The following PCDH15 variants were observed in gnomAD, a reference collection of about 807,000 sequenced individuals.
PCDH15 encodes protocadherin related 15, also known as protocadherin-15.
PCDH15 carries 129 observed loss-of-function variants against 178.5 expected under a neutral mutation model. The ratio of observed to expected loss-of-function variants is 0.72; its 90% confidence interval spans 0.63 to 0.84. The LOEUF is 0.84. Among genes scored for constraint, PCDH15 ranks in the 40% least tolerant of loss-of-function variants. The pLI, the probability that PCDH15 is intolerant of heterozygous loss-of-function variation, is 0.00. For synonymous variants in PCDH15, 800 were observed against 732.0 expected (o/e 1.09, Z -1.50); for missense variants, 2,230 against 2,099.9 (o/e 1.06, Z -1.21).
At chr10:53,872,013 C>T (rs2079903351) in intron 26 of PCDH15, among the ~76,000 whole-genome samples, 1 of 152,022 alleles carries the variant, frequency 6.6e-6, no homozygotes, top group Non-Finnish European at 1.5e-5. Flanking sequence ...GGCATGGCTT[C>T]CCCCTCATTT....
intron 2 of PCDH15, among the ~76,000 whole-genome samples, chr10:54,934,981 A>G (rs991195089): frequency 9.9e-5 from 15 of 151,696 alleles, no homozygotes; most frequent in African/African-American, 3.6e-4. Flanking sequence ...TCGCAAGGAC[A>G]AAAAAACCAA....
chr10:54,224,536 C>T (rs888249757), intron 9 of PCDH15, among the ~76,000 whole-genome samples: 4 of 152,026 alleles, frequency 2.6e-5, no homozygotes, highest in African/African-American at 9.7e-5. Flanking sequence ...TCTTTTTAGT[C>T]ATTCCCTTAT....
chr10:54,698,165 C>T (rs560588464), intron 1 of PCDH15, among the ~76,000 whole-genome samples: 4 of 152,230 alleles, frequency 2.6e-5, no homozygotes, highest in East Asian at 3.9e-4. Flanking sequence ...AGTTTACATT[C>T]GCTTGACTGG....
chr10:55,351,622 C>T (rs1458098697), intron 2 of PCDH15, among the ~76,000 whole-genome samples: 4 of 152,084 alleles, frequency 2.6e-5, no homozygotes, highest in Admixed American at 2.6e-4. Flanking sequence ...TCATTGTTTG[C>T]TTTCTCCACT....
chr10:54,835,220 A>T (rs1029999416), intron 3 of PCDH15, among the ~76,000 whole-genome samples: 5 of 152,186 alleles, frequency 3.3e-5, no homozygotes, highest in Non-Finnish European at 7.3e-5. Context: ...AAGGAATAGA[A>T]GCATATCTTC....
At chr10:55,197,239 A>C (rs1840116917) in intron 1 of PCDH15, among the ~76,000 whole-genome samples, 1 of 152,076 alleles carries the variant, frequency 6.6e-6, no homozygotes, top group Non-Finnish European at 1.5e-5. Context: ...TATGTAAATA[A>C]ATTGAAAACG....
chr10:54,271,706 T>C (rs117847687), intron 8 of PCDH15, among the ~76,000 whole-genome samples: 15 of 152,258 alleles, frequency 9.9e-5, no homozygotes, highest in Non-Finnish European at 1.3e-4. Context: ...TAAAGTGTAA[T>C]AATTCTTATA....
At chr10:54,687,381 A>G (rs77241034) in intron 1 of PCDH15, among the ~76,000 whole-genome samples, 3,636 of 152,224 alleles carry the variant, frequency 0.024, 127 homozygotes, top group African/African-American at 0.083. Context: ...TTGCGACTCT[A>G]TTTACAATAT....
intron 8 of PCDH15, among the ~76,000 whole-genome samples, chr10:54,274,048 C>G (rs1158024044): frequency 6.6e-6 from 1 of 152,038 alleles, no homozygotes; most frequent in African/African-American, 2.4e-5. Flanking sequence ...GAAGACCAAA[C>G]ACTGCATGCT....
intron 2 of PCDH15, among the ~76,000 whole-genome samples, chr10:55,035,091 T>G (rs1423342352): frequency 6.6e-6 from 1 of 152,148 alleles, no homozygotes; most frequent in Non-Finnish European, 1.5e-5. Flanking sequence ...TATTTCAAAT[T>G]ACAAATTAAC....
intron 1 of PCDH15, among the ~76,000 whole-genome samples, chr10:55,303,252 A>G (rs1843333984): frequency 6.6e-6 from 1 of 152,162 alleles, no homozygotes; most frequent in African/African-American, 2.4e-5. Context: ...TGCCCGCAGC[A>G]AAGTGGGCAT....
intron 1 of PCDH15, among the ~76,000 whole-genome samples, chr10:54,675,415 C>T (rs1161655177): frequency 6.7e-6 from 1 of 149,668 alleles, no homozygotes; most frequent in Non-Finnish European, 1.5e-5. Flanking sequence ...AAGTGAAAGA[C>T]ATAATTTCAT....
At chr10:55,107,344 TAAC>T (rs1304366261) in intron 2 of PCDH15, among the ~76,000 whole-genome samples, 4 of 152,190 alleles carry the variant, frequency 2.6e-5, no homozygotes, top group Non-Finnish European at 4.4e-5. Flanking sequence ...ATGGAAATGT[TAAC>T]AACAGGCTTA....
intron 2 of PCDH15, among the ~76,000 whole-genome samples, chr10:55,337,549 T>C (rs1165188210): frequency 1.3e-5 from 2 of 152,214 alleles, no homozygotes; most frequent in Non-Finnish European, 2.9e-5. Flanking sequence ...CTAGAATGTA[T>C]GGTCCTTGGC....
At chr10:54,539,778 G>T (rs763724519) in intron 2 of PCDH15, among the ~76,000 whole-genome samples, 1 of 152,014 alleles carries the variant, frequency 6.6e-6, no homozygotes, top group South Asian at 2.1e-4. Flanking sequence ...CATAAAACAA[G>T]TCTCAAAGAA....
At chr10:53,847,220 T>C (rs1353886704) in intron 28 of PCDH15, among the ~76,000 whole-genome samples, 1 of 152,038 alleles carries the variant, frequency 6.6e-6, no homozygotes, top group Non-Finnish European at 1.5e-5. Flanking sequence ...TGGCTACCTG[T>C]TGTGATGGTT....
At chr10:54,763,968 T>A (rs1264872208) in intron 1 of PCDH15, among the ~76,000 whole-genome samples, 1 of 151,764 alleles carries the variant, frequency 6.6e-6, no homozygotes, top group Non-Finnish European at 1.5e-5. Context: ...GTATTAGATC[T>A]AATTTTTAAA....
At chr10:54,257,030 T>TTC (rs1403182039) in intron 8 of PCDH15, among the ~76,000 whole-genome samples, 4 of 149,980 alleles carry the variant, frequency 2.7e-5, no homozygotes, top group Admixed American at 2.0e-4. Flanking sequence ...CACTTTCTCA[T>TTC]TCTCTCTCTC....
intron 1 of PCDH15, among the ~76,000 whole-genome samples, chr10:55,317,341 CA>C (rs925835728): frequency 2.0e-5 from 3 of 151,980 alleles, no homozygotes; most frequent in African/African-American, 7.2e-5. Flanking sequence ...TTTCTTACAT[CA>C]AAAAAATTAA....
Sources: allele counts gnomAD v4.1 joint callset (sites outside exome capture counted in the v4.1 genomes callset), GRCh38; gene constraint gnomAD v4.1.1; transcripts MANE v1.5; gene names NCBI Gene and HGNC (gene_info 2026-07-23, HGNC 2026-07-21).